SENP6: variants seen among roughly 807,000 people sequenced by gnomAD.
SENP6 encodes sentrin-specific protease 6.
In SENP6, 41 loss-of-function variants were observed where a neutral mutation model predicts 134.5. That is an observed-to-expected ratio of 0.30 (90% CI 0.24 to 0.40). The LOEUF (loss-of-function observed/expected upper bound fraction) is 0.40. Among genes scored for constraint, SENP6 ranks in the 10% least tolerant of loss-of-function variants. The pLI, the probability that SENP6 is intolerant of heterozygous loss-of-function variation, is 1.00. For synonymous variants in SENP6, 395 were observed against 429.8 expected, an observed-to-expected ratio of 0.92 and a Z score of 1.00; for missense variants, 1,248 against 1,312.5, an observed-to-expected ratio of 0.95 and a Z score of 0.76.
At chr6:75,675,272 A>G (rs182591986) in intron 11 of SENP6, among the ~76,000 whole-genome samples, 163 bp from the exon 12 acceptor site, 169 of 152,324 alleles carry the variant, frequency 1.1e-3, no homozygotes, top group African/African-American at 3.8e-3. Flanking sequence ...GTGGGTTTAG[A>G]TAAGCAATGT....
intron 5 of SENP6, 55 bp downstream of exon 5, chr6:75,634,866 T>G: frequency 8.6e-7 from 1 of 1,167,424 alleles, no homozygotes; most frequent in Non-Finnish European, 1.3e-6. Context: ...CTTCAATAGG[T>G]TTTCACTTTT....
intron 16 of SENP6, among the ~76,000 whole-genome samples, chr6:75,686,975 A>G (rs946483531): frequency 4.6e-5 from 7 of 152,184 alleles, no homozygotes; most frequent in Non-Finnish European, 1.0e-4. Context: ...CTCCTGGGTA[A>G]TATCCTGCAG....
chr6:75,660,548 A>G (rs113090976), intron 8 of SENP6, among the ~76,000 whole-genome samples: 3,996 of 152,122 alleles, frequency 0.026, 74 homozygotes, highest in Non-Finnish European at 0.04. Context: ...TTTTTCTGAC[A>G]TGTCCCTATC....
intron 5 of SENP6, among the ~76,000 whole-genome samples, chr6:75,637,681 ATTC>A (rs1398859113): frequency 6.6e-6 from 1 of 152,046 alleles, no homozygotes; most frequent in South Asian, 2.1e-4. Context: ...CTTATAAGAA[ATTC>A]TTGTAATTCT....
intron 13 of SENP6, 91 bp from the exon 14 acceptor site, chr6:75,676,939 C>A: frequency 1.3e-5 from 9 of 673,852 alleles, no homozygotes; most frequent in Non-Finnish European, 2.5e-6. Context: ...TTCTGATTAT[C>A]CTCCTGGAAA....
In SENP6 at chr6:75,673,309, C is replaced by A. The variant is rs1772826324; in HGVS notation, c.1393-2126C>A. Among the ~76,000 whole-genome samples the A allele has an allele frequency of 2.7e-5, 4 of 146,004 alleles. No homozygotes were observed. In the South Asian group the frequency reaches 8.6e-4, roughly 31 times the overall value. ...ACTTTCACAATGTAGATGAAATAGA[C>A]CAATGTCTACTTTTTTTTTTTTTTT... is the stretch of plus-strand genomic sequence containing the variant. On this transcript the variant is annotated intron_variant, in intron 11 of 23. Coordinates refer to ENST00000447266, the MANE Select transcript of SENP6 (RefSeq NM_015571.4).
intron 14 of SENP6, 68 bp downstream of exon 14, chr6:75,677,324 T>A: frequency 1.0e-6 from 1 of 998,678 alleles, no homozygotes; most frequent in Non-Finnish European, 1.5e-6. Context: ...ATATGTTTTA[T>A]TTTAATACTG....
chr6:75,641,336 G>C (rs1012438386), intron 6 of SENP6, among the ~76,000 whole-genome samples: 1 of 152,122 alleles, frequency 6.6e-6, no homozygotes, highest in Non-Finnish European at 1.5e-5. Context: ...ATTGCTTTCA[G>C]TTACATCATC....
chr6:75,643,833 CTT>C (rs754661208), intron 6 of SENP6, among the ~76,000 whole-genome samples: 12 of 152,244 alleles, frequency 7.9e-5, no homozygotes, highest in African/African-American at 1.4e-4. Context: ...ATAAATAAGA[CTT>C]GATTCATTTT....
chr6:75,631,528 G>A (rs1458043359), intron 3 of SENP6, among the ~76,000 whole-genome samples: 3 of 152,104 alleles, frequency 2.0e-5, no homozygotes, highest in Non-Finnish European at 2.9e-5. Flanking sequence ...TAGCTACAGT[G>A]GTTTTTACGT....
chr6:75,680,613 A>G (rs1418710038), intron 16 of SENP6, among the ~76,000 whole-genome samples: 2 of 152,216 alleles, frequency 1.3e-5, no homozygotes, highest in East Asian at 1.9e-4. Context: ...AGTGTTAACA[A>G]TATAGCAGAG....
At chr6:75,640,331 G>A (rs986382826) in intron 5 of SENP6, among the ~76,000 whole-genome samples, 1 of 152,042 alleles carries the variant, frequency 6.6e-6, no homozygotes, top group Non-Finnish European at 1.5e-5. Flanking sequence ...TATTGGATTC[G>A]GTACTATCAT....
At chr6:75,654,199 C>G (rs536768221) in intron 7 of SENP6, among the ~76,000 whole-genome samples, 1 of 152,198 alleles carries the variant, frequency 6.6e-6, no homozygotes, top group Non-Finnish European at 1.5e-5. Flanking sequence ...GATCACGCCT[C>G]TGCACTCCAG....
intron 16 of SENP6, among the ~76,000 whole-genome samples, chr6:75,683,561 A>G (rs945810648): frequency 6.6e-6 from 1 of 152,114 alleles, no homozygotes; most frequent in Non-Finnish European, 1.5e-5. Context: ...TCCATCTTGA[A>G]TTAGTTTTTG....
At chr6:75,682,405 C>CTT (rs57414064) in intron 16 of SENP6, among the ~76,000 whole-genome samples, 22 of 146,712 alleles carry the variant, frequency 1.5e-4, no homozygotes, top group African/African-American at 2.0e-4. Flanking sequence ...GGATTATATT[C>CTT]TTTTTTTTTT....
At chr6:75,700,873 G>A (rs1220842026) in intron 18 of SENP6, among the ~76,000 whole-genome samples, 1 of 152,182 alleles carries the variant, frequency 6.6e-6, no homozygotes, top group East Asian at 1.9e-4. Context: ...AATAAAATTA[G>A]CTATGTGTTA....
chr6:75,644,122 AT>A (rs1770240300), intron 6 of SENP6: 1 of 152,196 alleles, frequency 6.6e-6, no homozygotes, highest in South Asian at 2.1e-4. Flanking sequence ...AATTGGAACA[AT>A]AGAGAGATGA....
chr6:75,656,330 C>T (rs1771337189), intron 7 of SENP6, among the ~76,000 whole-genome samples: 2 of 152,036 alleles, frequency 1.3e-5, no homozygotes, highest in South Asian at 4.1e-4. Flanking sequence ...TCTTTCTCAT[C>T]CCTGTAAGAG....
intron 1 of SENP6, among the ~76,000 whole-genome samples, chr6:75,617,608 C>T (rs1288038597): frequency 1.3e-5 from 2 of 152,064 alleles, no homozygotes; most frequent in African/African-American, 4.8e-5. Flanking sequence ...AACTTTTACT[C>T]CGCCTCCACT....
Sources: gnomAD v4.1 joint callset for allele counts (sites outside exome capture counted in the v4.1 genomes callset) on GRCh38, gnomAD v4.1.1 for gene constraint, MANE v1.5 for transcripts, NCBI Gene and HGNC (gene_info 2026-07-23, HGNC 2026-07-21) for gene names.